The following ALK variants were observed in gnomAD, a reference collection of about 807,000 sequenced individuals.
ALK encodes ALK tyrosine kinase receptor.
Under a neutral mutation model 163.1 loss-of-function variants are expected in ALK, and 74 were observed. The observed-to-expected ratio is 0.45, with a 90% CI of 0.38 to 0.55. ALK has a LOEUF of 0.55. Ranked by LOEUF, ALK falls within the 20% of genes least tolerant of loss-of-function variation. ALK has a pLI of 0.00. For missense variants in ALK, 2,063 were observed against 2,105.3 expected (o/e 0.98, Z 0.39); for synonymous variants, 960 against 843.2 (o/e 1.14, Z -2.40).
chr2:29,331,058 G>A (rs181012343), intron 5 of ALK, among the ~76,000 whole-genome samples: 3 of 152,250 alleles, frequency 2.0e-5, no homozygotes, highest in East Asian at 1.9e-4. Flanking sequence ...CCAGACAGCC[G>A]AGGCTCCCAT....
intron 1 of ALK, among the ~76,000 whole-genome samples, chr2:29,750,833 A>G (rs993490328): frequency 1.3e-5 from 2 of 152,002 alleles, no homozygotes; most frequent in African/African-American, 2.4e-5. Context: ...GCATTTTGGG[A>G]GGCCAAGGTG....
At chr2:29,539,137 G>T (rs932364486) in intron 3 of ALK, among the ~76,000 whole-genome samples, 2 of 152,056 alleles carry the variant, frequency 1.3e-5, no homozygotes, top group African/African-American at 4.8e-5. Context: ...TTTATAGGTT[G>T]ATGCTAAGTG....
intron 4 of ALK, among the ~76,000 whole-genome samples, chr2:29,516,379 G>A (rs188363273): frequency 7.9e-5 from 12 of 152,320 alleles, no homozygotes; most frequent in Admixed American, 2.0e-4. Context: ...ATGTGGTGAG[G>A]CTTTGCCTAG....
rs2148176371 is a variant in ALK, at chr2:29,225,491, G to C, written c.3142C>G (p.Leu1048Val). The C allele has an allele frequency of 6.2e-7, 1 of 1,613,452 alleles. No homozygotes were observed. Among genetic ancestry groups the C allele is most frequent in the Non-Finnish European group, 8.5e-7 (1 of 1,179,958 alleles). The change falls in exon 19 of 29, where the codon CTG (leucine) becomes GTG (valine). Residue 1048 changes from leucine (L) to valine (V), a missense_variant. Around this residue, in one of 5 missense-constraint regions of ALK, gnomAD observed 575 missense variants for 626.6 expected, o/e 0.92. Transcript: ENST00000389048. ...SVVTSALVAA[L>V]VLAFSGIMIV... ...ATGATGCCGGAGAAAGCCAGGACCA[G>C]GGCGGCCACGAGGGCAGAGGTCACC... is the stretch of plus-strand genomic sequence containing the variant.
At chr2:29,751,680 TACCGAAACTTAGGG>T (rs1435963792) in intron 1 of ALK, among the ~76,000 whole-genome samples, 1 of 152,178 alleles carries the variant, frequency 6.6e-6, no homozygotes, top group East Asian at 1.9e-4. Flanking sequence ...AGCACCATTT[TACCGAAACTTAGGG>T]ACAATTCTGA....
chr2:29,512,938 A>G (rs2148142135), intron 4 of ALK, among the ~76,000 whole-genome samples: 1 of 151,114 alleles, frequency 6.6e-6, no homozygotes, highest in Non-Finnish European at 1.5e-5. Flanking sequence ...AATCCACCTT[A>G]CAAGGGACGT....
At chr2:29,498,251 C>T (rs1672081620) in intron 4 of ALK, among the ~76,000 whole-genome samples, 1 of 150,940 alleles carries the variant, frequency 6.6e-6, no homozygotes, top group African/African-American at 2.4e-5. Flanking sequence ...GGCACAGTGA[C>T]TGGGTTTGGG....
chr2:29,761,204 C>G (rs536515964), intron 1 of ALK, among the ~76,000 whole-genome samples: 1 of 152,144 alleles, frequency 6.6e-6, no homozygotes, highest in Admixed American at 6.5e-5. Flanking sequence ...GCATTAGAAC[C>G]AAGCAGCCCT....
chr2:29,698,006 A>G (rs1166277172), intron 2 of ALK, among the ~76,000 whole-genome samples: 1 of 152,196 alleles, frequency 6.6e-6, no homozygotes, highest in East Asian at 1.9e-4. Flanking sequence ...AAATCCTTCA[A>G]TTACACTTCT....
At chr2:29,280,696 G>C (rs757557885) in intron 9 of ALK, among the ~76,000 whole-genome samples, 10 of 150,482 alleles carry the variant, frequency 6.6e-5, no homozygotes, top group Non-Finnish European at 4.4e-5. Context: ...TATGTACCAG[G>C]TGGTCCATTC....
intron 1 of ALK, among the ~76,000 whole-genome samples, chr2:29,863,498 C>A (rs1321182855): frequency 6.6e-6 from 1 of 151,296 alleles, no homozygotes; most frequent in Non-Finnish European, 1.5e-5. Flanking sequence ...ATACAAATGG[C>A]CAATAAGAAT....
chr2:29,203,507 TTTTTTG>T (rs1669235146), intron 26 of ALK, among the ~76,000 whole-genome samples: 1 of 120,718 alleles, frequency 8.3e-6, no homozygotes, highest in Non-Finnish European at 1.7e-5. Context: ...TTTTTTTTTT[TTTTTTG>T]TGAGACAGAG....
intron 3 of ALK, among the ~76,000 whole-genome samples, chr2:29,619,012 A>G (rs11127230): frequency 1.3e-5 from 2 of 151,332 alleles, no homozygotes; most frequent in East Asian, 3.9e-4. Context: ...AAAAAAAAAA[A>G]CACTTGAAAA....
chr2:29,637,727 A>G (rs1558419979), intron 3 of ALK, among the ~76,000 whole-genome samples: 1 of 150,168 alleles, frequency 6.7e-6, no homozygotes. Flanking sequence ...AAAAAAGAGG[A>G]CTCTTTGTGG....
chr2:29,433,717 T>TA (rs539279751), intron 4 of ALK, among the ~76,000 whole-genome samples: 14,100 of 144,368 alleles, frequency 0.098, 838 homozygotes, highest in Non-Finnish European at 0.14. Flanking sequence ...TTTGTCAACT[T>TA]AAAAAAAAAA....
intron 4 of ALK, among the ~76,000 whole-genome samples, chr2:29,517,720 G>T (rs377598951): frequency 9.9e-5 from 15 of 152,186 alleles, no homozygotes; most frequent in Non-Finnish European, 1.2e-4. Flanking sequence ...TTGCAGCCTT[G>T]CTTTTTCACC....
intron 3 of ALK, among the ~76,000 whole-genome samples, chr2:29,642,382 C>T (rs1676729045): frequency 6.6e-6 from 1 of 152,122 alleles, no homozygotes; most frequent in East Asian, 1.9e-4. Flanking sequence ...GGACAGAATG[C>T]CTCTCTCACA....
intron 1 of ALK, among the ~76,000 whole-genome samples, chr2:29,809,237 G>A (rs1288483461): frequency 6.6e-6 from 1 of 152,138 alleles, no homozygotes; most frequent in Non-Finnish European, 1.5e-5. Flanking sequence ...TTATGTGTTG[G>A]GCACCTACTA....
intron 1 of ALK, among the ~76,000 whole-genome samples, chr2:29,718,148 C>G (rs192962743): frequency 2.6e-5 from 4 of 152,256 alleles, no homozygotes; most frequent in African/African-American, 4.8e-5. Flanking sequence ...AATGAGAGGG[C>G]TGAAACTGCA....
Sources: allele counts gnomAD v4.1 joint callset (sites outside exome capture counted in the v4.1 genomes callset), GRCh38; gene constraint gnomAD v4.1.1; regional missense constraint gnomAD v4.1.1; transcripts MANE v1.5; gene names NCBI Gene and HGNC (gene_info 2026-07-23, HGNC 2026-07-21).